HAL: variants seen among roughly 807,000 people sequenced by gnomAD.
HAL encodes the protein histidase.
A neutral mutation model predicts 81.1 loss-of-function variants in HAL; 85 were observed. The observed-to-expected ratio is 1.05, with a 90% CI of 0.88 to 1.25. The LOEUF is 1.25. Among genes scored for constraint, HAL ranks in the 50% most tolerant of loss-of-function variants. The probability of loss-of-function intolerance (pLI) is 0.00; values close to 1 mark genes in which losing one functional copy is unlikely to be tolerated. For synonymous variants in HAL, 301 were observed against 309.2 expected (o/e 0.97, Z 0.28); for missense variants, 798 against 836.6 (o/e 0.95, Z 0.57).
At chr12:95,978,595 G>T (rs11108357) in intron 17 of HAL, among the ~76,000 whole-genome samples, 36,423 of 151,946 alleles carry the variant, frequency 0.24, 4,933 homozygotes, top group East Asian at 0.44. Flanking sequence ...GAATTCTAGG[G>T]AGGACCAAGA....
In HAL at chr12:95,980,803, C is replaced by T; in HGVS notation, c.1348G>A (p.Ala450Thr). The T allele has an allele frequency of 6.3e-7, 1 of 1,594,898 alleles. No individual in the cohort carries two copies. The highest frequency in any genetic ancestry group is 8.6e-7 in the Non-Finnish European group (1 of 1,162,708). The change falls in exon 16 of 21, where the codon GCC becomes ACC. Residue 450 changes from alanine to threonine, a missense_variant. Coordinates refer to ENST00000261208, the MANE Select transcript of HAL (RefSeq NM_002108.4). ...SGGNFHGEYPAKALDYLAIGI... is the reference protein window; with the variant it reads ...SGGNFHGEYPTKALDYLAIGI... ...AGCAGTTTTAAAAAGCTTACTTTGG[C>T]TGGGTATTCACCATGGAAGTTTCCT...
At position 95,987,145 on chromosome 12, in the gene HAL, C is replaced by T. The variant is rs141380705; in HGVS notation, c.973G>A (p.Ala325Thr). Residue 325 changes from alanine to threonine, a missense_variant, in exon 12 of 21, where the codon GCT becomes ACT. Coordinates refer to ENST00000261208, the MANE Select transcript of HAL (RefSeq NM_002108.4). Reference sequence around the variant, plus strand: ...ACAATGTCAGCCTGCCGTGCAATAGCACTGGCTCGCTCTACAGCTTCACAG... The same window carrying T: ...ACAATGTCAGCCTGCCGTGCAATAGTACTGGCTCGCTCTACAGCTTCACAG... ...LGCEAVERAS[A>T]IARQADIVAA... The T allele has an allele frequency of 2.5e-6, 4 of 1,613,128 alleles. No homozygotes were observed. The African/African-American group carries it at 4.0e-5, about 16-fold the overall frequency.
At chr12:95,994,032 A>G in intron 5 of HAL, 34 bp from the exon 6 acceptor site, 1 of 1,600,608 alleles carries the variant, frequency 6.2e-7, no homozygotes. Context: ...GAGCACGTTA[A>G]AGACTTCCAC....
intron 14 of HAL, among the ~76,000 whole-genome samples, chr12:95,984,989 C>T (rs1197173350): frequency 1.3e-5 from 2 of 152,176 alleles, no homozygotes; most frequent in African/African-American, 4.8e-5. Context: ...GACTGGCTCT[C>T]TAACTGTCAT....
intron 18 of HAL, 102 bp from the exon 19 acceptor site, chr12:95,976,808 G>C: frequency 2.6e-6 from 2 of 759,876 alleles, no homozygotes; most frequent in South Asian, 2.9e-5. Flanking sequence ...CCAACTAACA[G>C]ATGGTTTGTT....
Position 95,990,463 on chromosome 12 carries a change from TGAGA to T in HAL, c.781_784del (p.Ser261IlefsTer6). The T allele has an allele frequency of 6.2e-7, 1 of 1,612,574 alleles. No homozygotes were observed. The highest frequency in any genetic ancestry group is 8.5e-7 in the Non-Finnish European group (1 of 1,178,588). On this transcript the variant is annotated frameshift_variant, in exon 10 of 21. Transcript: ENST00000261208. LOFTEE classifies it high-confidence loss of function. The stretch of plus-strand genomic sequence containing the variant: ...TTCTCCAACTAGCCCAAGAGCAAGA[TGAGA>T]GAGTGGGGCAAGGTCTCCACTGGCA...
intron 18 of HAL, among the ~76,000 whole-genome samples, chr12:95,977,545 A>T (rs1188548372): frequency 6.7e-6 from 1 of 149,908 alleles, no homozygotes; most frequent in Non-Finnish European, 1.5e-5. Flanking sequence ...TAGGAGACTA[A>T]GGAAGGAGGA....
intron 12 of HAL, 77 bp downstream of exon 12, chr12:95,986,990 T>A: frequency 8.1e-7 from 1 of 1,237,682 alleles, no homozygotes; most frequent in Non-Finnish European, 1.2e-6. Context: ...ACCACTTCTG[T>A]GTCTAAAGAT....
Position 95,983,899 on chromosome 12 carries a change from A to G in HAL, c.1287+12T>C. 1 of 1,379,628 alleles carries G rather than the reference A, an allele frequency of 7.2e-7. No homozygotes were observed. Among genetic ancestry groups the G allele is most frequent in the Non-Finnish European group, 1.0e-6 (1 of 967,548 alleles). 85.5% of individuals were successfully genotyped at this position (1,379,628 alleles called of 1,614,324 possible). A position where few individuals can be genotyped will look rare whatever the true frequency, so the allele number is the denominator to read the frequency against. ...TTCTATAATTGCAGGTTAGTATACA[A>G]TCAAAAGATACAGGATTATCTGTTG... On this transcript the variant is annotated intron_variant, in intron 15 of 20. Coordinates refer to ENST00000261208, the MANE Select transcript of HAL (RefSeq NM_002108.4).
chr12:95,991,279 C>A (rs1377242403), intron 9 of HAL, among the ~76,000 whole-genome samples: 2 of 151,704 alleles, frequency 1.3e-5, no homozygotes, highest in African/African-American at 4.8e-5. Flanking sequence ...TTTTACAGTT[C>A]ATTGTTTATT....
Position 95,996,228 on chromosome 12 carries a change from C to T in HAL, c.-232G>A, listed in dbSNP as rs979841944. ...GTGCTGTTCTTGTCCCTGATGGCACCTACCTGCTGCTGGCCCCCTTTCTTC... is the reference window on the plus strand; with the variant it reads ...GTGCTGTTCTTGTCCCTGATGGCACTTACCTGCTGCTGGCCCCCTTTCTTC... On this transcript the variant is annotated 5_prime_UTR_variant, in exon 1 of 21. Transcript: ENST00000261208. 28 of 366,362 alleles carry T rather than the reference C, an allele frequency of 7.6e-5. No homozygotes were observed. Among genetic ancestry groups the T allele is most frequent in the African/African-American group, 5.8e-4 (28 of 48,434 alleles). 22.7% of individuals were successfully genotyped at this position (366,362 alleles called of 1,614,324 possible).
intron 15 of HAL, among the ~76,000 whole-genome samples, chr12:95,981,355 C>A (rs905359954): frequency 2.0e-5 from 3 of 152,230 alleles, no homozygotes; most frequent in African/African-American, 7.2e-5. Context: ...AAATTCTTTA[C>A]TCAGTAATCT....
At position 95,976,672 on chromosome 12, in the gene HAL, G is replaced by A; in HGVS notation, c.1689C>T (p.Gly563=). The change falls in exon 19 of 21, where the codon GGC becomes GGT. Residue 563 remains glycine (G), a synonymous_variant. Transcript: ENST00000261208. The part of the protein sequence containing the change: ...LAIELLAACQ[G]IEFLRPLKTT... ...TTTTCAGGGGACGTAGAAACTCTAT[G>A]CCCTGGCAGGCTGCAAGGAGCTCGA... is the stretch of plus-strand genomic sequence containing the variant. The A allele has an allele frequency of 1.2e-6, 2 of 1,612,628 alleles. No individual in the cohort carries two copies. Among genetic ancestry groups the A allele is most frequent in the South Asian group, 1.1e-5 (1 of 91,050 alleles).
Position 95,976,616 on chromosome 12 carries a change from A to G in HAL, c.1745T>C (p.Leu582Pro). Residue 582 changes from leucine to proline, a missense_variant, in exon 19 of 21, where the codon CTG (leucine) becomes CCG (proline). Transcript: ENST00000261208. The part of the protein sequence containing the change: ...TTTPLEKVYD[L>P]VRSVVRPWIK... ...ATCTTACCTTACAACAGAGCGCACC[A>G]GGTCATAGACCTTCTCCAGCGGAGT... is the stretch of plus-strand genomic sequence containing the variant. 6 of 1,609,176 alleles carry G rather than the reference A, an allele frequency of 3.7e-6. No homozygotes were observed. Among genetic ancestry groups the G allele is most frequent in the Non-Finnish European group, 5.1e-6 (6 of 1,175,418 alleles).
chr12:95,986,270 C>T (rs1330562982), intron 12 of HAL, 110 bp from the exon 13 acceptor site: 11 of 717,426 alleles, frequency 1.5e-5, no homozygotes, highest in Admixed American at 2.0e-5. Context: ...TGGGCTCTAG[C>T]GATCCTCCTA....
intron 9 of HAL, among the ~76,000 whole-genome samples, chr12:95,991,498 C>T (rs192072244): frequency 5.3e-5 from 8 of 152,138 alleles, no homozygotes; most frequent in Admixed American, 5.2e-4. Context: ...TTTTGCCAGT[C>T]ACCCAGTCTA....
At chr12:95,980,964 C>T in intron 15 of HAL, 101 bp from the exon 16 acceptor site, 1 of 798,136 alleles carries the variant, frequency 1.3e-6, no homozygotes, top group Non-Finnish European at 2.3e-6. Context: ...AGTCTGTGTA[C>T]AAATGTGGGG....
At chr12:95,976,276 C>G (rs1182725439) in intron 20 of HAL, 153 bp downstream of exon 20, 2 of 734,690 alleles carry the variant, frequency 2.7e-6, no homozygotes, top group Non-Finnish European at 5.0e-6. Context: ...TATATGGCTT[C>G]TTAGTGGTGC....
At chr12:95,994,639 C>T (rs1482568055) in intron 4 of HAL, among the ~76,000 whole-genome samples, 159 bp downstream of exon 4, 1 of 152,230 alleles carries the variant, frequency 6.6e-6, no homozygotes, top group Admixed American at 6.5e-5. Context: ...AACTGCCCAC[C>T]TCGGCCACCC....
Sources: gnomAD v4.1 joint callset for allele counts (sites outside exome capture counted in the v4.1 genomes callset) on GRCh38, gnomAD v4.1.1 for gene constraint, MANE v1.5 for transcripts, NCBI Gene and HGNC (gene_info 2026-07-23, HGNC 2026-07-21) for gene names.